Variants in KSR2 observed in about 807,000 individuals in gnomAD.
KSR2 encodes kinase suppressor of ras 2.
A neutral mutation model predicts 107.8 loss-of-function variants in KSR2; 25 were observed. That is an observed-to-expected ratio of 0.23 (90% CI 0.17 to 0.32). The LOEUF is 0.32. KSR2 is among the 10% of genes least tolerant of loss of function. The pLI is 1.00. For missense variants in KSR2, 887 were observed against 1,268.9 expected, an observed-to-expected ratio of 0.70 and a Z score of 4.57; for synonymous variants, 480 against 507.0, an observed-to-expected ratio of 0.95 and a Z score of 0.71.
chr12:117,923,615 T>C (rs1464137181), intron 1 of KSR2, among the ~76,000 whole-genome samples: 1 of 152,156 alleles, frequency 6.6e-6, no homozygotes, highest in African/African-American at 2.4e-5. Flanking sequence ...CAGCGAGCTA[T>C]GATCACACTA....
intron 4 of KSR2, among the ~76,000 whole-genome samples, chr12:117,747,045 C>A (rs1888433962): frequency 6.6e-6 from 1 of 152,014 alleles, no homozygotes; most frequent in Non-Finnish European, 1.5e-5. Flanking sequence ...GGATCTAGAA[C>A]CAGAAATACC....
chr12:117,641,310 C>T (rs1189083459), intron 5 of KSR2, among the ~76,000 whole-genome samples: 6 of 152,094 alleles, frequency 3.9e-5, no homozygotes, highest in East Asian at 1.9e-4. Flanking sequence ...TTGGTCAGGC[C>T]GGTCTCGAAT....
chr12:117,646,393 G>A (rs908590322), intron 5 of KSR2, among the ~76,000 whole-genome samples: 22 of 152,112 alleles, frequency 1.4e-4, no homozygotes, highest in African/African-American at 3.1e-4. Context: ...CTGCGAGGCC[G>A]GGAACACTTA....
chr12:117,764,150 T>C (rs1889143123), intron 3 of KSR2, among the ~76,000 whole-genome samples: 1 of 151,828 alleles, frequency 6.6e-6, no homozygotes, highest in Admixed American at 6.6e-5. Context: ...ATTAGAAAAT[T>C]GAGATAAGAA....
intron 5 of KSR2, among the ~76,000 whole-genome samples, chr12:117,649,003 A>AG (rs56981956): frequency 0.047 from 7,210 of 152,278 alleles, 277 homozygotes; most frequent in South Asian, 0.14. Flanking sequence ...GGCAGGGATA[A>AG]TGATACTTTG....
chr12:117,916,135 CTTT>C (rs34082573), intron 1 of KSR2, among the ~76,000 whole-genome samples: 4 of 105,420 alleles, frequency 3.8e-5, no homozygotes, highest in Non-Finnish European at 1.8e-5. Context: ...ATTTCTTCTT[CTTT>C]TTTTTTTTTT....
intron 1 of KSR2, among the ~76,000 whole-genome samples, chr12:117,943,625 G>C (rs1243628533): frequency 6.6e-6 from 1 of 151,506 alleles, no homozygotes; most frequent in South Asian, 2.1e-4. Flanking sequence ...TACATACAAT[G>C]GAATATTATT....
At chr12:117,821,165 C>T (rs1307699764) in intron 3 of KSR2, among the ~76,000 whole-genome samples, 1 of 152,172 alleles carries the variant, frequency 6.6e-6, no homozygotes, top group Non-Finnish European at 1.5e-5. Context: ...AGCACAATGC[C>T]TGGCATAGAA....
intron 10 of KSR2, among the ~76,000 whole-genome samples, chr12:117,539,120 T>G (rs1474365965): frequency 1.3e-5 from 2 of 152,228 alleles, no homozygotes; most frequent in Admixed American, 6.5e-5. Context: ...ATTCCTGAGC[T>G]AGAGGAACCT....
At chr12:117,567,602 T>C (rs1056537918) in intron 7 of KSR2, among the ~76,000 whole-genome samples, 10 of 151,078 alleles carry the variant, frequency 6.6e-5, no homozygotes, top group Non-Finnish European at 1.5e-4. Flanking sequence ...TCTTCCCTAC[T>C]CTCTGTACCT....
intron 4 of KSR2, among the ~76,000 whole-genome samples, chr12:117,678,135 G>C (rs1885219779): frequency 7.2e-6 from 1 of 139,618 alleles, no homozygotes; most frequent in Non-Finnish European, 1.5e-5. Flanking sequence ...ATTTTTAGCA[G>C]AGATGGGGTT....
chr12:117,684,000 C>G (rs1885471071), intron 4 of KSR2, among the ~76,000 whole-genome samples: 2 of 152,210 alleles, frequency 1.3e-5, no homozygotes, highest in Non-Finnish European at 2.9e-5. Flanking sequence ...CTGGGCTAGA[C>G]AGTAGGTTGG....
Position 117,860,357 on chromosome 12 carries a change from C to T in KSR2, c.255G>A (p.Glu85=). The T allele has an allele frequency of 1.2e-6, 2 of 1,613,848 alleles. No individual in the cohort carries two copies. Among genetic ancestry groups the T allele is most frequent in the Non-Finnish European group, 1.7e-6 (2 of 1,179,834 alleles). ...GCCGTAGCTGGGGGAAGCCGTCCAGCTCCGCGTTGCGCTCCTGCAAGGCTA... is the reference window on the plus strand; with the variant it reads ...GCCGTAGCTGGGGGAAGCCGTCCAGTTCCGCGTTGCGCTCCTGCAAGGCTA... ...KKVALQERNA[E]LDGFPQLRHW... Residue 85 remains glutamate, a synonymous_variant, in exon 2 of 20, where the codon GAG becomes GAA. Coordinates refer to ENST00000339824, the MANE Select transcript of KSR2 (RefSeq NM_173598.6).
chr12:117,543,121 A>G lies in KSR2; in HGVS notation c.1519-3234T>C, dbSNP rs146001120. On this transcript the variant is annotated intron_variant, in intron 9 of 19. Coordinates refer to ENST00000339824, the MANE Select transcript of KSR2 (RefSeq NM_173598.6). ...AGGATTTATGTGAACATATGTTTTT[A>G]TTTCTCTGGAATAAATGCTCAGAAG... 1.9e-3 allele frequency among the ~76,000 whole-genome samples: 287 copies of G among 152,318 alleles called. 3 individuals carry two copies. Among genetic ancestry groups the G allele is most frequent in the Non-Finnish European group, 1.7e-3 (116 of 68,020 alleles).
At chr12:117,832,212 A>T (rs565277645) in intron 3 of KSR2, among the ~76,000 whole-genome samples, 1 of 152,184 alleles carries the variant, frequency 6.6e-6, no homozygotes, top group Non-Finnish European at 1.5e-5. Flanking sequence ...TGAATCCAGG[A>T]GGCGGAGTTT....
intron 4 of KSR2, among the ~76,000 whole-genome samples, chr12:117,739,718 G>A (rs1268521302): frequency 6.6e-6 from 1 of 152,148 alleles, no homozygotes; most frequent in Admixed American, 6.5e-5. Flanking sequence ...ACAGTCTAGG[G>A]AAGAAGAAAG....
chr12:117,512,011 A>C (rs1599767), intron 14 of KSR2, among the ~76,000 whole-genome samples: 49,543 of 152,066 alleles, frequency 0.33, 9,351 homozygotes, highest in South Asian at 0.54. Flanking sequence ...CCTGGTTCAG[A>C]GGGTGAAGAG....
chr12:117,570,674 C>T (rs984950337), intron 7 of KSR2, among the ~76,000 whole-genome samples: 1 of 152,164 alleles, frequency 6.6e-6, no homozygotes, highest in African/African-American at 2.4e-5. Flanking sequence ...AAATGCTGAA[C>T]AACGTATTTA....
intron 3 of KSR2, among the ~76,000 whole-genome samples, chr12:117,797,220 G>A (rs1890664189): frequency 6.6e-6 from 1 of 152,138 alleles, no homozygotes; most frequent in Non-Finnish European, 1.5e-5. Flanking sequence ...TAGCCAAAAG[G>A]TGGAAACAAT....
Sources: allele counts gnomAD v4.1 joint callset (sites outside exome capture counted in the v4.1 genomes callset), GRCh38; gene constraint gnomAD v4.1.1; transcripts MANE v1.5; gene names NCBI Gene and HGNC (gene_info 2026-07-23, HGNC 2026-07-21).